The following GALNTL6 variants were observed in gnomAD, a reference collection of about 807,000 sequenced individuals.
The protein encoded by GALNTL6 is polypeptide N-acetylgalactosaminyltransferase-like 6.
Under a neutral mutation model 73.7 loss-of-function variants are expected in GALNTL6, and 46 were observed. That is an observed-to-expected ratio of 0.62 (90% CI 0.49 to 0.80). GALNTL6 has a LOEUF of 0.80. Ranked by LOEUF, GALNTL6 falls within the 30% of genes least tolerant of loss-of-function variation. The probability of loss-of-function intolerance (pLI) is 0.00; values close to 1 mark genes in which losing one functional copy is unlikely to be tolerated. For synonymous variants in GALNTL6, 259 were observed against 263.7 expected (o/e 0.98, Z 0.17); for missense variants, 604 against 755.0 (o/e 0.80, Z 2.34).
At chr4:172,764,602 G>A (rs1377883034) in intron 5 of GALNTL6, among the ~76,000 whole-genome samples, 1 of 151,960 alleles carries the variant, frequency 6.6e-6, no homozygotes, top group Non-Finnish European at 1.5e-5. Flanking sequence ...TCTTTTTGAC[G>A]AATTACCAGT....
intron 5 of GALNTL6, among the ~76,000 whole-genome samples, chr4:172,704,006 T>C (rs1020501772): frequency 1.3e-5 from 2 of 152,042 alleles, no homozygotes; most frequent in Non-Finnish European, 2.9e-5. Context: ...TACTCTCTAA[T>C]GATCCTTTGT....
chr4:172,235,483 A>C (rs1450430504), intron 3 of GALNTL6, among the ~76,000 whole-genome samples: 1 of 152,198 alleles, frequency 6.6e-6, no homozygotes, highest in Non-Finnish European at 1.5e-5. Flanking sequence ...CTGGAATTAC[A>C]GGCATGAGCC....
chr4:172,066,458 AGTTTCTATTTCTTTGCTT>A (rs1344091599), intron 2 of GALNTL6, among the ~76,000 whole-genome samples: 2 of 151,324 alleles, frequency 1.3e-5, no homozygotes, highest in Admixed American at 6.6e-5. Flanking sequence ...AAAGCAGCTA[AGTTTCTATTTCTTTGCTT>A]GTGAGGCTAT....
At chr4:172,697,053 G>T (rs969854288) in intron 5 of GALNTL6, among the ~76,000 whole-genome samples, 1 of 152,064 alleles carries the variant, frequency 6.6e-6, no homozygotes, top group Non-Finnish European at 1.5e-5. Flanking sequence ...ATTCTTCAAA[G>T]ATATTTATGT....
At chr4:172,039,630 A>C (rs1267749406) in intron 2 of GALNTL6, among the ~76,000 whole-genome samples, 1 of 152,170 alleles carries the variant, frequency 6.6e-6, no homozygotes, top group Non-Finnish European at 1.5e-5. Flanking sequence ...AGAGGAACAC[A>C]TGAGACCTGA....
chr4:171,931,746 C>T (rs1738192035), intron 2 of GALNTL6, among the ~76,000 whole-genome samples: 1 of 152,074 alleles, frequency 6.6e-6, no homozygotes, highest in South Asian at 2.1e-4. Context: ...GTGCTTTATC[C>T]ATTCCTGCTT....
chr4:172,467,414 G>A (rs749847054), intron 5 of GALNTL6, among the ~76,000 whole-genome samples: 7 of 152,178 alleles, frequency 4.6e-5, no homozygotes, highest in Admixed American at 6.5e-5. Flanking sequence ...ATGCAACTGC[G>A]AGTCTCCTGA....
chr4:172,706,443 A>G (rs997474551), intron 5 of GALNTL6, among the ~76,000 whole-genome samples: 10 of 152,194 alleles, frequency 6.6e-5, no homozygotes, highest in Admixed American at 4.6e-4. Flanking sequence ...ACATCTTATT[A>G]GGGTCAGTGC....
chr4:172,246,299 T>C (rs1737655512), intron 3 of GALNTL6, among the ~76,000 whole-genome samples: 1 of 152,150 alleles, frequency 6.6e-6, no homozygotes, highest in African/African-American at 2.4e-5. Context: ...AATAGACATT[T>C]ACCTAGATAG....
At chr4:172,870,233 A>G (rs974136450) in intron 7 of GALNTL6, among the ~76,000 whole-genome samples, 7 of 152,140 alleles carry the variant, frequency 4.6e-5, no homozygotes, top group African/African-American at 1.7e-4. Context: ...AAATTTTTTT[A>G]ATTTTTTATT....
At chr4:172,284,434 C>T (rs571114791) in intron 3 of GALNTL6, among the ~76,000 whole-genome samples, 3 of 152,002 alleles carry the variant, frequency 2.0e-5, no homozygotes, top group East Asian at 1.9e-4. Context: ...ACACCATGTG[C>T]ACCCCCCTGC....
At chr4:172,018,979 T>C (rs575997234) in intron 2 of GALNTL6, among the ~76,000 whole-genome samples, 1 of 152,224 alleles carries the variant, frequency 6.6e-6, no homozygotes, top group South Asian at 2.1e-4. Context: ...CAGCTCTAGG[T>C]AAGTTTAAAT....
intron 5 of GALNTL6, among the ~76,000 whole-genome samples, chr4:172,663,549 T>A (rs1442365953): frequency 6.6e-6 from 1 of 152,212 alleles, no homozygotes; most frequent in South Asian, 2.1e-4. Context: ...TGGTGACATA[T>A]CCTAGTCCCT....
chr4:172,372,436 G>T (rs1742852957), intron 5 of GALNTL6, among the ~76,000 whole-genome samples: 1 of 152,202 alleles, frequency 6.6e-6, no homozygotes, highest in Non-Finnish European at 1.5e-5. Flanking sequence ...AGTCCAGACA[G>T]TGAGATCCTT....
At chr4:172,927,203 G>C (rs1266742346) in intron 8 of GALNTL6, among the ~76,000 whole-genome samples, 1 of 152,172 alleles carries the variant, frequency 6.6e-6, no homozygotes, top group Admixed American at 6.5e-5. Context: ...CTTTGGCCCA[G>C]AGGTGATGCA....
At chr4:172,413,342 T>C (rs1208728191) in intron 5 of GALNTL6, among the ~76,000 whole-genome samples, 1 of 152,240 alleles carries the variant, frequency 6.6e-6, no homozygotes, top group Admixed American at 6.5e-5. Context: ...AAATTGCATT[T>C]ACACTCTGGC....
chr4:172,923,371 A>T (rs1747889211), intron 8 of GALNTL6, among the ~76,000 whole-genome samples: 1 of 152,150 alleles, frequency 6.6e-6, no homozygotes, highest in African/African-American at 2.4e-5. Context: ...TGTCATGAGA[A>T]CAGCACTGGA....
intron 2 of GALNTL6, among the ~76,000 whole-genome samples, chr4:171,935,203 G>A (rs568076828): frequency 1.9e-4 from 29 of 152,216 alleles, no homozygotes; most frequent in Non-Finnish European, 2.9e-4. Flanking sequence ...TAATCAGGCC[G>A]ATCAAAGGAA....
At chr4:172,253,673 A>T (rs1038147918) in intron 3 of GALNTL6, among the ~76,000 whole-genome samples, 1 of 151,940 alleles carries the variant, frequency 6.6e-6, no homozygotes, top group East Asian at 1.9e-4. Context: ...TCACATTGTG[A>T]TGGTAATAGA....
Sources: gnomAD v4.1 joint callset for allele counts (sites outside exome capture counted in the v4.1 genomes callset) on GRCh38, gnomAD v4.1.1 for gene constraint, MANE v1.5 for transcripts, NCBI Gene and HGNC (gene_info 2026-07-23, HGNC 2026-07-21) for gene names.